CSMD2: variants seen among roughly 807,000 people sequenced by gnomAD.
CSMD2 encodes the protein CUB and Sushi multiple domains 2.
In CSMD2, 130 loss-of-function variants were observed where a neutral mutation model predicts 398.5. That is an observed-to-expected ratio of 0.33 (90% CI 0.28 to 0.38). The LOEUF is 0.38. Ranked by LOEUF, CSMD2 falls within the 10% of genes least tolerant of loss-of-function variation. The pLI is 1.00. For missense variants in CSMD2, 3,829 were observed against 4,764.9 expected, an observed-to-expected ratio of 0.80 and a Z score of 5.78; for synonymous variants, 1,828 against 1,908.5, an observed-to-expected ratio of 0.96 and a Z score of 1.10.
intron 4 of CSMD2, among the ~76,000 whole-genome samples, chr1:33,928,862 G>A (rs975672095): frequency 1.3e-5 from 2 of 152,168 alleles, no homozygotes; most frequent in Non-Finnish European, 2.9e-5. Context: ...CAACACAATG[G>A]TGTCCAGCAT....
At chr1:33,707,680 C>T (rs1342216259) in intron 22 of CSMD2, among the ~76,000 whole-genome samples, 3 of 77,948 alleles carry the variant, frequency 3.8e-5, no homozygotes, top group Middle Eastern at 5.6e-3. Flanking sequence ...CGCACGCGTG[C>T]ACACGCGCGC....
At chr1:34,146,404 A>C (rs1489190341) in intron 1 of CSMD2, among the ~76,000 whole-genome samples, 1 of 152,186 alleles carries the variant, frequency 6.6e-6, no homozygotes, top group East Asian at 1.9e-4. Context: ...GTTCTTCAAG[A>C]GGTACCAACT....
chr1:33,527,331 C>A lies in CSMD2; in HGVS notation c.10172-73G>T, dbSNP rs1031120378. On this transcript the variant is annotated intron_variant, in intron 64 of 70. Coordinates refer to ENST00000373381, the MANE Select transcript of CSMD2 (RefSeq NM_001281956.2). ...CACTCTGTTGGAAAAATAATGACCA[C>A]CTGTCTGACCTTAGGTCAATGGGTT... 81 of 1,259,988 alleles carry A rather than the reference C, an allele frequency of 6.4e-5. 1 individual carries two copies. Among genetic ancestry groups the A allele is most frequent in the Non-Finnish European group, 8.7e-5 (77 of 880,620 alleles). 78.1% of individuals were successfully genotyped at this position (1,259,988 alleles called of 1,614,324 possible).
At chr1:33,909,051 T>A (rs1344252442) in intron 5 of CSMD2, among the ~76,000 whole-genome samples, 1 of 152,188 alleles carries the variant, frequency 6.6e-6, no homozygotes, top group East Asian at 1.9e-4. Context: ...TCGGTTAGAA[T>A]GGGCCTTATT....
intron 28 of CSMD2, among the ~76,000 whole-genome samples, chr1:33,650,208 T>G (rs540472154): frequency 8.5e-5 from 13 of 152,280 alleles, no homozygotes; most frequent in African/African-American, 2.9e-4. Context: ...GCCAAGGACA[T>G]GGGGACATGT....
intron 3 of CSMD2, among the ~76,000 whole-genome samples, chr1:33,952,165 T>A (rs1200449609): frequency 3.9e-5 from 6 of 152,122 alleles, no homozygotes; most frequent in Admixed American, 3.9e-4. Context: ...ACCCCAAGTA[T>A]CTTGAGAATG....
intron 25 of CSMD2, among the ~76,000 whole-genome samples, chr1:33,676,135 A>G (rs1317940538): frequency 6.6e-6 from 1 of 152,224 alleles, no homozygotes; most frequent in Non-Finnish European, 1.5e-5. Flanking sequence ...AAGGAAATAA[A>G]GGGTATTCAA....
At chr1:33,684,578 C>A (rs539319019) in intron 25 of CSMD2, among the ~76,000 whole-genome samples, 1 of 152,346 alleles carries the variant, frequency 6.6e-6, no homozygotes, top group Admixed American at 6.5e-5. Flanking sequence ...CTCCTAGGCT[C>A]CTCCCTGGCT....
intron 22 of CSMD2, among the ~76,000 whole-genome samples, chr1:33,703,781 T>G (rs1645687279): frequency 6.6e-6 from 1 of 152,222 alleles, no homozygotes; most frequent in African/African-American, 2.4e-5. Flanking sequence ...AATAGCAATT[T>G]GCTCTCTCAC....
Position 34,042,395 on chromosome 1 carries a change from C to T in CSMD2, c.405-9689G>A, listed in dbSNP as rs375468938. Among the ~76,000 whole-genome samples the T allele has an allele frequency of 5.3e-5, 8 of 152,348 alleles. No individual in the cohort carries two copies. The East Asian group carries it at 1.3e-3, about 26-fold the overall frequency. ...TTCATATCACTGTTTGATGTGCTAA[C>T]AGCCTTAAATGAGAACCATTCAATA... On this transcript the variant is annotated intron_variant, in intron 2 of 70. Coordinates refer to ENST00000373381, the MANE Select transcript of CSMD2 (RefSeq NM_001281956.2).
At chr1:34,141,275 T>C (rs900063314) in intron 1 of CSMD2, among the ~76,000 whole-genome samples, 18 of 152,152 alleles carry the variant, frequency 1.2e-4, no homozygotes, top group African/African-American at 4.3e-4. Context: ...CCCTACTATG[T>C]GGAAGACACT....
rs1659383619 is a variant in CSMD2, at chr1:33,569,504, G to A, written c.8001C>T (p.Arg2667=). 1 of 1,614,098 alleles carries A rather than the reference G, an allele frequency of 6.2e-7. No individual in the cohort carries two copies. Among genetic ancestry groups the A allele is most frequent in the African/African-American group, 1.3e-5 (1 of 74,932 alleles). Residue 2667 remains arginine (R), a synonymous_variant, in exon 52 of 71, where the codon CGC becomes CGT. Coordinates refer to ENST00000373381, the MANE Select transcript of CSMD2 (RefSeq NM_001281956.2). ...CCCCGTAGACAGACAGTGTTCCGATGCGGTGGCCATTGGGGGGAATCGGGA... is the reference window on the plus strand; with the variant it reads ...CCCCGTAGACAGACAGTGTTCCGATACGGTGGCCATTGGGGGGAATCGGGA... ...GELPIPPNGH[R]IGTLSVYGAT...
chr1:33,840,924 C>G (rs1301189922), intron 6 of CSMD2, among the ~76,000 whole-genome samples: 2 of 152,170 alleles, frequency 1.3e-5, no homozygotes, highest in African/African-American at 2.4e-5. Flanking sequence ...TTCATTCTGG[C>G]CTCAGATTGA....
At chr1:34,064,921 G>A (rs140358113) in intron 2 of CSMD2, among the ~76,000 whole-genome samples, 18 of 152,232 alleles carry the variant, frequency 1.2e-4, no homozygotes, top group African/African-American at 3.9e-4. Context: ...ATGCAAAAGC[G>A]GAAAACTCGG....
Position 33,743,494 on chromosome 1 carries a change from CT to C in CSMD2, c.1958del (p.Glu653GlyfsTer86). 6.2e-7 allele frequency: 1 copy of C among 1,614,100 alleles called. No homozygotes were observed. The highest frequency in any genetic ancestry group is 8.5e-7 in the Non-Finnish European group (1 of 1,180,046). On this transcript the variant is annotated frameshift_variant, in exon 14 of 71. Transcript: ENST00000373381. LOFTEE classifies it high-confidence loss of function. Reference sequence around the variant, plus strand: ...CGTTGAAGGCCAGGTGGATGCGGCTCTCAGGCCTGGCCAGGATGAGCCAGAC... The same window carrying C: ...CGTTGAAGGCCAGGTGGATGCGGCTCCAGGCCTGGCCAGGATGAGCCAGAC... Reference protein sequence around the residue: ...HCVWLILARPESRIHLAFNDI... With the variant: ...HCVWLILARPXSRIHLAFNDI...
At chr1:33,955,405 G>A (rs896357618) in intron 3 of CSMD2, among the ~76,000 whole-genome samples, 23 of 152,006 alleles carry the variant, frequency 1.5e-4, no homozygotes, top group Admixed American at 7.9e-4. Context: ...ATAATTACCC[G>A]CGTGTCCCTT....
At chr1:33,970,001 G>A (rs1645698424) in intron 3 of CSMD2, among the ~76,000 whole-genome samples, 1 of 151,918 alleles carries the variant, frequency 6.6e-6, no homozygotes, top group South Asian at 2.1e-4. Flanking sequence ...AGCTACTTGG[G>A]AGGCTGAGGC....
At chr1:33,655,098 T>C (rs1460266072) in intron 27 of CSMD2, among the ~76,000 whole-genome samples, 1 of 152,228 alleles carries the variant, frequency 6.6e-6, no homozygotes, top group Non-Finnish European at 1.5e-5. Flanking sequence ...AGGGGTCCTT[T>C]TGAGCTTACT....
chr1:33,661,281 C>T (rs1644123607), intron 26 of CSMD2, among the ~76,000 whole-genome samples: 1 of 152,116 alleles, frequency 6.6e-6, no homozygotes, highest in Non-Finnish European at 1.5e-5. Context: ...ACTTCTTTCC[C>T]CAGAGAGTGG....
Sources: gnomAD v4.1 joint callset for allele counts (sites outside exome capture counted in the v4.1 genomes callset) on GRCh38, gnomAD v4.1.1 for gene constraint, MANE v1.5 for transcripts, NCBI Gene and HGNC (gene_info 2026-07-23, HGNC 2026-07-21) for gene names.